The following LMO7 variants were observed in gnomAD, a reference collection of about 807,000 sequenced individuals.
The protein encoded by LMO7 is LIM domain only protein 7.
Under a neutral mutation model 206.5 loss-of-function variants are expected in LMO7, and 120 were observed. That is an observed-to-expected ratio of 0.58 (90% CI 0.50 to 0.68). The LOEUF (loss-of-function observed/expected upper bound fraction) is 0.68. LMO7 is among the 30% of genes least tolerant of loss of function. The pLI, the probability that LMO7 is intolerant of heterozygous loss-of-function variation, is 0.00. For missense variants in LMO7, 1,959 were observed against 1,957.9 expected (o/e 1.00, Z -0.01); for synonymous variants, 706 against 681.5 (o/e 1.04, Z -0.56).
At chr13:75,781,473 C>T (rs1402358621) in intron 4 of LMO7, among the ~76,000 whole-genome samples, 1 of 151,608 alleles carries the variant, frequency 6.6e-6, no homozygotes, top group Non-Finnish European at 1.5e-5. Context: ...TTTTTTATGG[C>T]TGCATAGTAT....
intron 4 of LMO7, among the ~76,000 whole-genome samples, chr13:75,773,495 C>G (rs372356094): frequency 1.3e-5 from 2 of 152,086 alleles, no homozygotes; most frequent in East Asian, 3.8e-4. Flanking sequence ...AAGGTAATTA[C>G]GGCAGTCAAT....
chr13:75,651,426 C>T (rs1358535941), intron 1 of LMO7, among the ~76,000 whole-genome samples: 2 of 151,612 alleles, frequency 1.3e-5, no homozygotes, highest in African/African-American at 4.8e-5. Flanking sequence ...TCTCCTGCCT[C>T]AGCCTCCCGA....
At chr13:75,735,136 TG>T (rs2045676983) in intron 3 of LMO7, among the ~76,000 whole-genome samples, 2 of 150,770 alleles carry the variant, frequency 1.3e-5, no homozygotes, top group East Asian at 1.9e-4. Flanking sequence ...TGTGTGTGTG[TG>T]TGTGTATGTA....
intron 2 of LMO7, among the ~76,000 whole-genome samples, chr13:75,717,362 C>CAAA (rs55749528): frequency 3.3e-5 from 3 of 90,788 alleles, no homozygotes; most frequent in Non-Finnish European, 6.7e-5. Flanking sequence ...GACTCCGTCT[C>CAAA]AAAAAAAAAA....
chr13:75,795,006 C>T (rs1595065039), intron 4 of LMO7, among the ~76,000 whole-genome samples: 2 of 151,292 alleles, frequency 1.3e-5, no homozygotes, highest in South Asian at 2.1e-4. Context: ...AGGTTTTTTT[C>T]CCCCCATTTC....
intron 12 of LMO7, 176 bp from the exon 13 acceptor site, chr13:75,819,217 T>G: frequency 5.5e-5 from 31 of 564,416 alleles, no homozygotes; most frequent in Non-Finnish European, 7.0e-5. Context: ...GACAGACACA[T>G]GAGATAAAGG....
intron 11 of LMO7, among the ~76,000 whole-genome samples, chr13:75,809,828 A>ATTTTTT (rs35825600): frequency 1.6e-5 from 2 of 122,652 alleles, no homozygotes; most frequent in Non-Finnish European, 3.4e-5. Flanking sequence ...CAAAAACTAC[A>ATTTTTT]TTTTTTTTTT....
intron 1 of LMO7, among the ~76,000 whole-genome samples, chr13:75,661,698 C>T (rs1256099274): frequency 6.6e-6 from 1 of 152,186 alleles, no homozygotes; most frequent in Non-Finnish European, 1.5e-5. Flanking sequence ...AGTACTGTGA[C>T]ATTTGGAGTG....
At chr13:75,710,131 G>C (rs1167940703) in intron 1 of LMO7, among the ~76,000 whole-genome samples, 1 of 152,116 alleles carries the variant, frequency 6.6e-6, no homozygotes, top group Non-Finnish European at 1.5e-5. Context: ...TTATTTCTGA[G>C]GGCTCTGTTC....
chr13:75,813,302 C>G, intron 11 of LMO7, among the ~76,000 whole-genome samples: 1 of 152,168 alleles, frequency 6.6e-6, no homozygotes. Flanking sequence ...TGGGAGATCC[C>G]AAACAATCAT....
chr13:75,648,961 G>A (rs188913272), intron 1 of LMO7, among the ~76,000 whole-genome samples: 1 of 152,174 alleles, frequency 6.6e-6, no homozygotes, highest in Non-Finnish European at 1.5e-5. Flanking sequence ...AATGGGAAAA[G>A]CATTTGGGAA....
chr13:75,756,842 A>G (rs992020219), intron 3 of LMO7, among the ~76,000 whole-genome samples: 1 of 152,186 alleles, frequency 6.6e-6, no homozygotes, highest in South Asian at 2.1e-4. Flanking sequence ...CTTTGAGTTC[A>G]CCTTGTAAAG....
chr13:75,723,219 CT>C (rs60339904), intron 2 of LMO7, among the ~76,000 whole-genome samples: 58,218 of 151,808 alleles, frequency 0.38, 11,483 homozygotes, highest in East Asian at 0.59. Flanking sequence ...ATCATCATTG[CT>C]CTTTAATTTG....
chr13:75,621,638 A>C (rs1465157083), exon 1 of LMO7: 18 of 1,030,888 alleles, frequency 1.7e-5, no homozygotes, highest in East Asian at 2.6e-5. Flanking sequence ...AAGTGCAAAT[A>C]AGTTCAATAT....
intron 1 of LMO7, among the ~76,000 whole-genome samples, chr13:75,703,612 C>T (rs1230261815): frequency 6.6e-6 from 1 of 152,138 alleles, no homozygotes; most frequent in Non-Finnish European, 1.5e-5. Context: ...TGACATAACT[C>T]GGGTTCCTGT....
chr13:75,713,751 A>G (rs981781361), intron 2 of LMO7, among the ~76,000 whole-genome samples: 3 of 152,168 alleles, frequency 2.0e-5, no homozygotes, highest in African/African-American at 7.2e-5. Context: ...ATTAATAGAC[A>G]CCATTGAGAA....
In LMO7 at chr13:75,796,769, G is replaced by A. The variant is rs757277354; in HGVS notation, c.462+20G>A. The stretch of plus-strand genomic sequence containing the variant: ...ACGAAGGTAAGTAAACTACATCTGT[G>A]TGAGATTACTGCTGTAATACAGTAT... On this transcript the variant is annotated intron_variant, in intron 6 of 30. Coordinates refer to ENST00000377534, the MANE Select transcript of LMO7 (RefSeq NM_001306080.2). 3 of 1,347,150 alleles carry A rather than the reference G, an allele frequency of 2.2e-6. No individual in the cohort carries two copies. Among genetic ancestry groups the A allele is most frequent in the Non-Finnish European group, 3.2e-6 (3 of 937,256 alleles). The allele number at this position is 1,347,150 out of a possible 1,614,324, so 83.4% of individuals were successfully genotyped here.
intron 24 of LMO7, among the ~76,000 whole-genome samples, chr13:75,842,381 T>C (rs1388358714): frequency 1.3e-5 from 2 of 152,186 alleles, no homozygotes; most frequent in Non-Finnish European, 2.9e-5. Context: ...TTGTGTGTCT[T>C]GTGTTCTCAT....
rs771986895 is a variant in LMO7, at chr13:75,804,403, A to G, written c.776A>G (p.Asn259Ser). ...GAGCCAAAGACTGCGTTACCCTTCAATCGTTTTTTACCCAACAAAAGTAGA... is the reference window on the plus strand; with the variant it reads ...GAGCCAAAGACTGCGTTACCCTTCAGTCGTTTTTTACCCAACAAAAGTAGA... ...AVEPKTALPF[N>S]RFLPNKSRQP... The change falls in exon 8 of 31, where the codon AAT (asparagine) becomes AGT (serine). Residue 259 changes from asparagine (N) to serine (S), a missense_variant. Asn to Ser is a conservative substitution (Grantham distance 46). Transcript: ENST00000377534. 6 of 1,614,060 alleles carry G rather than the reference A, an allele frequency of 3.7e-6. No homozygotes were observed. The highest frequency in any genetic ancestry group is 2.2e-5 in the East Asian group (1 of 44,896).
Sources: gnomAD v4.1 joint callset for allele counts (sites outside exome capture counted in the v4.1 genomes callset) on GRCh38, gnomAD v4.1.1 for gene constraint, MANE v1.5 for transcripts, NCBI Gene and HGNC (gene_info 2026-07-23, HGNC 2026-07-21) for gene names.